Variants in HSD17B12 observed in about 807,000 individuals in gnomAD.
HSD17B12 encodes hydroxysteroid 17-beta dehydrogenase 12, also known as very-long-chain 3-oxoacyl-CoA reductase.
HSD17B12 carries 32 observed loss-of-function variants against 39.3 expected under a neutral mutation model. That is an observed-to-expected ratio of 0.81 (90% CI 0.61 to 1.09). The LOEUF is 1.09. Ranked by LOEUF, HSD17B12 falls within the 50% of genes least tolerant of loss-of-function variation. The pLI is 0.00. For synonymous variants in HSD17B12, 150 were observed against 146.7 expected (o/e 1.02, Z -0.16); for missense variants, 342 against 382.9 (o/e 0.89, Z 0.89).
At chr11:43,651,624 A>G in the HSD17B12 span, among the ~76,000 whole-genome samples, 589 of 152,346 alleles carry the variant, frequency 3.9e-3, 4 homozygotes, top group African/African-American at 0.014. Context: ...CTGTCGCCCC[A>G]GGCTGCAGTG....
chr11:43,680,542 G>A (rs922343666), upstream of HSD17B12: 12 of 470,224 alleles, frequency 2.6e-5, no homozygotes, highest in Non-Finnish European at 4.6e-5. Context: ...CCTCGGTGGG[G>A]TGAGACAGGG....
chr11:43,754,770 T>A, intron 3 of HSD17B12: 1 of 631,954 alleles, frequency 1.6e-6, no homozygotes, highest in Non-Finnish European at 2.8e-6. Flanking sequence ...TTTTACTCTT[T>A]TTATCTCAGT....
chr11:43,716,640 G>A (rs1950125756), intron 1 of HSD17B12, among the ~76,000 whole-genome samples: 1 of 150,990 alleles, frequency 6.6e-6, no homozygotes, highest in Non-Finnish European at 1.5e-5. Context: ...TCTCCTGGAG[G>A]AATTAACAAT....
At chr11:43,794,483 A>C (rs777349711) in intron 3 of HSD17B12, among the ~76,000 whole-genome samples, 3 of 152,236 alleles carry the variant, frequency 2.0e-5, no homozygotes, top group Non-Finnish European at 2.9e-5. Flanking sequence ...ACTACTAGAA[A>C]TGTTGAAACC....
At chr11:43,602,814 T>C in the HSD17B12 span, among the ~76,000 whole-genome samples, 6 of 151,906 alleles carry the variant, frequency 3.9e-5, no homozygotes, top group Non-Finnish European at 8.8e-5. Context: ...CACAGGAACA[T>C]GGATTGAGGT....
chr11:43,814,975 G>A (rs1951108078), intron 4 of HSD17B12, among the ~76,000 whole-genome samples: 1 of 152,112 alleles, frequency 6.6e-6, no homozygotes, highest in African/African-American at 2.4e-5. Context: ...AACAAAATGC[G>A]ATGCATATTG....
intron 1 of HSD17B12, among the ~76,000 whole-genome samples, chr11:43,703,834 T>G (rs1347308715): frequency 6.6e-6 from 1 of 152,192 alleles, no homozygotes; most frequent in Non-Finnish European, 1.5e-5. Flanking sequence ...TTTATTAGTT[T>G]TAACTTTAAA....
the HSD17B12 span, among the ~76,000 whole-genome samples, chr11:43,593,053 A>G: frequency 2.1e-4 from 32 of 152,322 alleles, no homozygotes; most frequent in Non-Finnish European, 3.5e-4. Context: ...GAAAATGCCG[A>G]AATTGTATGC....
upstream of HSD17B12, among the ~76,000 whole-genome samples, chr11:43,679,900 G>C (rs1201660364): frequency 6.6e-6 from 1 of 152,086 alleles, no homozygotes; most frequent in Non-Finnish European, 1.5e-5. Context: ...CTGCAGCGAG[G>C]AAGGCACAGA....
At chr11:43,792,465 T>G (rs1950876522) in intron 3 of HSD17B12, among the ~76,000 whole-genome samples, 1 of 152,124 alleles carries the variant, frequency 6.6e-6, no homozygotes, top group Non-Finnish European at 1.5e-5. Context: ...CCCAACTCAT[T>G]ATCTTTTCCA....
At chr11:43,675,609 TAA>T in the HSD17B12 span, among the ~76,000 whole-genome samples, 36 of 144,268 alleles carry the variant, frequency 2.5e-4, no homozygotes, top group African/African-American at 4.6e-4. Context: ...CTAATTTACT[TAA>T]AAAAAAAAAA....
chr11:43,728,678 C>G (rs940035632), intron 1 of HSD17B12, among the ~76,000 whole-genome samples: 2 of 152,052 alleles, frequency 1.3e-5, no homozygotes, highest in African/African-American at 4.8e-5. Context: ...TTTGACTCAT[C>G]ATTAGGTGAT....
chr11:43,690,387 TA>T (rs1565049685), intron 1 of HSD17B12, among the ~76,000 whole-genome samples: 837 of 19,216 alleles, frequency 0.044, 80 homozygotes, highest in Non-Finnish European at 0.053. Flanking sequence ...TATATATATA[TA>T]TATATATATA....
At chr11:43,739,710 A>C (rs1658603026) in intron 1 of HSD17B12, among the ~76,000 whole-genome samples, 1 of 151,988 alleles carries the variant, frequency 6.6e-6, no homozygotes, top group African/African-American at 2.4e-5. Context: ...TTAACACCTG[A>C]CTCTTGGAAG....
At chr11:43,558,065 G>T in the HSD17B12 span, among the ~76,000 whole-genome samples, 1 of 152,200 alleles carries the variant, frequency 6.6e-6, no homozygotes, top group African/African-American at 2.4e-5. Flanking sequence ...AAGCGAGGTG[G>T]TTATCAACAA....
the HSD17B12 span, among the ~76,000 whole-genome samples, chr11:43,598,224 C>A: frequency 6.6e-6 from 1 of 152,148 alleles, no homozygotes; most frequent in Non-Finnish European, 1.5e-5. Flanking sequence ...TGATTCTTTG[C>A]AACTGCTTCC....
intron 1 of HSD17B12, among the ~76,000 whole-genome samples, chr11:43,709,782 T>C (rs1257588521): frequency 6.6e-6 from 1 of 152,182 alleles, no homozygotes; most frequent in African/African-American, 2.4e-5. Context: ...TCCCCCTTTT[T>C]TGAATAGAAA....
At chr11:43,619,505 T>A in the HSD17B12 span, among the ~76,000 whole-genome samples, 1 of 151,172 alleles carries the variant, frequency 6.6e-6, no homozygotes, top group Non-Finnish European at 1.5e-5. Context: ...TTCTCCTGCC[T>A]CAGCCTCCCG....
intron 3 of HSD17B12, among the ~76,000 whole-genome samples, chr11:43,776,543 C>T (rs896203386): frequency 2.6e-5 from 4 of 152,106 alleles, no homozygotes; most frequent in Admixed American, 6.6e-5. Context: ...AATTTTCTCC[C>T]GTTTTGTAGG....
Sources: gnomAD v4.1 joint callset for allele counts (sites outside exome capture counted in the v4.1 genomes callset) on GRCh38, gnomAD v4.1.1 for gene constraint, MANE v1.5 for transcripts, NCBI Gene and HGNC (gene_info 2026-07-23, HGNC 2026-07-21) for gene names.